The following AVL9 variants were observed in gnomAD, a reference collection of about 807,000 sequenced individuals.
AVL9 encodes AVL9 cell migration associated.
In AVL9, 49 loss-of-function variants were observed where a neutral mutation model predicts 79.2. The ratio of observed to expected loss-of-function variants is 0.62; its 90% CI spans 0.49 to 0.79. AVL9 has a LOEUF of 0.79. Among genes scored for constraint, AVL9 ranks in the 30% least tolerant of loss-of-function variants. The pLI is 0.00. For missense variants in AVL9, 682 were observed against 776.8 expected (o/e 0.88, Z 1.45); for synonymous variants, 299 against 280.6 (o/e 1.07, Z -0.65).
chr7:32,533,363 T>G (rs181591446), intron 1 of AVL9: 1 of 152,308 alleles, frequency 6.6e-6, no homozygotes, highest in East Asian at 1.9e-4. Context: ...AAAAGTACCA[T>G]TTTACCTCTG....
intron 1 of AVL9, 49 bp from the exon 2 acceptor site, chr7:32,543,092 T>C (rs1312864243): frequency 6.2e-7 from 1 of 1,608,678 alleles, no homozygotes; most frequent in Non-Finnish European, 8.5e-7. Flanking sequence ...CAGAATAAAA[T>C]GCTTCCTTTG....
intron 3 of AVL9, among the ~76,000 whole-genome samples, chr7:32,546,619 A>G (rs559296410): frequency 9.2e-5 from 14 of 152,046 alleles, no homozygotes; most frequent in African/African-American, 3.1e-4. Flanking sequence ...TTAGGAGATC[A>G]AGACCATCCT....
At chr7:32,543,541 T>G (rs897951725) in intron 2 of AVL9, among the ~76,000 whole-genome samples, 5 of 152,186 alleles carry the variant, frequency 3.3e-5, no homozygotes, top group African/African-American at 1.2e-4. Flanking sequence ...ACATCTATAC[T>G]TCATACTCCT....
chr7:32,514,564 T>C (rs1004324403), intron 1 of AVL9, among the ~76,000 whole-genome samples: 1 of 152,124 alleles, frequency 6.6e-6, no homozygotes, highest in Non-Finnish European at 1.5e-5. Context: ...ACTGATGACA[T>C]TCTACCACAA....
At chr7:32,540,871 C>CT (rs749306635) in intron 1 of AVL9, among the ~76,000 whole-genome samples, 2 of 72,468 alleles carry the variant, frequency 2.8e-5, no homozygotes, top group African/African-American at 4.8e-5. Context: ...TGTTGTACTA[C>CT]TTTTTTTTTT....
chr7:32,568,205 AT>A (rs66792161), intron 10 of AVL9, among the ~76,000 whole-genome samples: 24 of 143,740 alleles, frequency 1.7e-4, no homozygotes, highest in Middle Eastern at 3.5e-3. Context: ...TTATTTATTT[AT>A]TTTTTTTTTT....
intron 13 of AVL9, among the ~76,000 whole-genome samples, chr7:32,579,539 T>C (rs1238317039): frequency 3.5e-4 from 2 of 5,734 alleles, no homozygotes; most frequent in Non-Finnish European, 5.3e-4. Flanking sequence ...TATTATATTA[T>C]ATATTATATA....
At chr7:32,568,935 A>G (rs1156911167) in intron 10 of AVL9, among the ~76,000 whole-genome samples, 1 of 152,202 alleles carries the variant, frequency 6.6e-6, no homozygotes, top group Non-Finnish European at 1.5e-5. Flanking sequence ...AGACATTTTC[A>G]AGAGTAAGAA....
rs546981702 is a variant in AVL9, at chr7:32,540,095, A to G, written c.94-3046A>G. Among the ~76,000 whole-genome samples the G allele has an allele frequency of 2.6e-5, 4 of 152,334 alleles. No individual in the cohort carries two copies. The South Asian group carries it at 8.3e-4, about 32-fold the overall frequency. On this transcript the variant is annotated intron_variant, in intron 1 of 15. Coordinates refer to ENST00000318709, the MANE Select transcript of AVL9 (RefSeq NM_015060.3). ...CATTATTTCGCCTACCACATAGGATATTGTGGCCGTCTTGCTTTATCAGTA... is the reference window on the plus strand; with the variant it reads ...CATTATTTCGCCTACCACATAGGATGTTGTGGCCGTCTTGCTTTATCAGTA...
chr7:32,557,483 C>A (rs1790118760), intron 8 of AVL9, among the ~76,000 whole-genome samples: 1 of 152,164 alleles, frequency 6.6e-6, no homozygotes, highest in South Asian at 2.1e-4. Context: ...TTTTGTGACA[C>A]TGGCATTTTA....
intron 3 of AVL9, among the ~76,000 whole-genome samples, chr7:32,546,987 G>C (rs1789543573): frequency 6.6e-6 from 1 of 152,128 alleles, no homozygotes; most frequent in East Asian, 1.9e-4. Context: ...GGGAGGAAAA[G>C]CAGATTTATT....
intron 2 of AVL9, among the ~76,000 whole-genome samples, 191 bp from the exon 3 acceptor site, chr7:32,544,503 G>C (rs776430056): frequency 3.3e-5 from 5 of 152,128 alleles, no homozygotes; most frequent in Non-Finnish European, 7.4e-5. Flanking sequence ...TTTGTGATGA[G>C]TATTTACCAT....
intron 13 of AVL9, among the ~76,000 whole-genome samples, chr7:32,579,237 AT>A (rs1255805022): frequency 7.7e-6 from 1 of 130,642 alleles, no homozygotes. Context: ...AAGTTGCTTG[AT>A]TTTTTTCCTA....
At chr7:32,553,077 C>T (rs1789906004) in intron 6 of AVL9, among the ~76,000 whole-genome samples, 1 of 152,288 alleles carries the variant, frequency 6.6e-6, no homozygotes. Flanking sequence ...TTTCAGCATG[C>T]AGTTGCCAAT....
At chr7:32,543,779 C>T (rs1433039808) in intron 2 of AVL9, among the ~76,000 whole-genome samples, 4 of 152,150 alleles carry the variant, frequency 2.6e-5, no homozygotes, top group African/African-American at 4.8e-5. Flanking sequence ...AAGTTCTTAC[C>T]GAATCTCTTA....
chr7:32,578,027 G>A (rs1224810198), intron 13 of AVL9, among the ~76,000 whole-genome samples: 4 of 152,092 alleles, frequency 2.6e-5, no homozygotes, highest in East Asian at 1.9e-4. Flanking sequence ...TACCCAACCC[G>A]CCAACAGGGT....
chr7:32,553,691 T>A, intron 6 of AVL9, 36 bp from the exon 7 acceptor site: 1 of 1,559,998 alleles, frequency 6.4e-7, no homozygotes, highest in Non-Finnish European at 8.8e-7. Flanking sequence ...AACATTACAT[T>A]GTAGTCACAC....
intron 1 of AVL9, among the ~76,000 whole-genome samples, chr7:32,541,050 C>T (rs1789173984): frequency 1.3e-5 from 2 of 151,516 alleles, no homozygotes; most frequent in African/African-American, 2.4e-5. Context: ...TACAGGCGCC[C>T]GCCACTACGT....
intron 13 of AVL9, among the ~76,000 whole-genome samples, chr7:32,579,831 T>C (rs1791421903): frequency 6.6e-6 from 1 of 150,604 alleles, no homozygotes; most frequent in African/African-American, 2.4e-5. Context: ...CAAGGTATGA[T>C]CTATGACCAT....
Sources: gnomAD v4.1 joint callset for allele counts (sites outside exome capture counted in the v4.1 genomes callset) on GRCh38, gnomAD v4.1.1 for gene constraint, MANE v1.5 for transcripts, NCBI Gene and HGNC (gene_info 2026-07-23, HGNC 2026-07-21) for gene names.